Variants in RPN2 observed in about 807,000 individuals in gnomAD.
RPN2 encodes the protein dolichyl-diphosphooligosaccharide--protein glycosyltransferase subunit 2.
In RPN2, 29 loss-of-function variants were observed where a neutral mutation model predicts 71.4. The ratio of observed to expected loss-of-function variants is 0.41; its 90% CI spans 0.30 to 0.55. The LOEUF (loss-of-function observed/expected upper bound fraction) is 0.55. Among genes scored for constraint, RPN2 ranks in the 20% least tolerant of loss-of-function variants. RPN2 has a pLI of 0.35. For missense variants in RPN2, 726 were observed against 774.1 expected, an observed-to-expected ratio of 0.94 and a Z score of 0.74; for synonymous variants, 308 against 305.0, an observed-to-expected ratio of 1.01 and a Z score of -0.10.
chr20:37,199,036 C>G lies in RPN2; in HGVS notation c.304-14C>G. The G allele has an allele frequency of 1.2e-6, 2 of 1,608,798 alleles. No homozygotes were observed. Among genetic ancestry groups the G allele is most frequent in the South Asian group, 1.1e-5 (1 of 90,910 alleles). On this transcript the variant is annotated splice_polypyrimidine_tract_variant and intron_variant, in intron 3 of 16. Transcript: ENST00000237530. Reference sequence around the variant, plus strand: ...ACCTGTTCTAAAACTCTGTGTCTGCCAATTCTTTCTTAGATCTCTATTTCA... The same window carrying G: ...ACCTGTTCTAAAACTCTGTGTCTGCGAATTCTTTCTTAGATCTCTATTTCA...
intron 8 of RPN2, among the ~76,000 whole-genome samples, chr20:37,213,100 C>G (rs1378338312): frequency 6.6e-6 from 1 of 152,150 alleles, no homozygotes; most frequent in Non-Finnish European, 1.5e-5. Flanking sequence ...CACAATTATA[C>G]TATCGTACAC....
chr20:37,229,925 C>A, intron 12 of RPN2, 48 bp from the exon 13 acceptor site: 1 of 1,374,550 alleles, frequency 7.3e-7, no homozygotes, highest in Non-Finnish European at 1.0e-6. Flanking sequence ...TTGAGTTTCA[C>A]CCACTTCTCT....
chr20:37,189,918 G>C (rs1199898163), intron 2 of RPN2, among the ~76,000 whole-genome samples: 1 of 152,232 alleles, frequency 6.6e-6, no homozygotes, highest in Non-Finnish European at 1.5e-5. Context: ...CTTTTGTAGT[G>C]ATGCTTCGTA....
intron 16 of RPN2, among the ~76,000 whole-genome samples, chr20:37,240,977 GT>G (rs527297451): frequency 7.1e-4 from 108 of 152,306 alleles, no homozygotes; most frequent in African/African-American, 2.6e-3. Flanking sequence ...TTTACACTGT[GT>G]TTTTGGCCTT....
chr20:37,204,043 C>A, intron 5 of RPN2, 83 bp downstream of exon 5: 1 of 942,194 alleles, frequency 1.1e-6, no homozygotes, highest in Non-Finnish European at 1.7e-6. Context: ...CATGCATGAT[C>A]TGTTACTACA....
intron 2 of RPN2, among the ~76,000 whole-genome samples, chr20:37,191,204 C>T (rs945881585): frequency 1.3e-5 from 2 of 152,056 alleles, no homozygotes; most frequent in East Asian, 1.9e-4. Context: ...CGGCTGGGTG[C>T]GGTGTCTCAG....
chr20:37,216,155 A>G (rs984800450), intron 9 of RPN2, among the ~76,000 whole-genome samples: 3 of 152,174 alleles, frequency 2.0e-5, no homozygotes, highest in African/African-American at 7.2e-5. Context: ...CCTGGCCAAC[A>G]TGATGAAACC....
At chr20:37,235,395 C>T (rs945806016) in intron 15 of RPN2, among the ~76,000 whole-genome samples, 2 of 152,122 alleles carry the variant, frequency 1.3e-5, no homozygotes, top group African/African-American at 4.8e-5. Flanking sequence ...ATGAGGGTGA[C>T]TGGGGCAGGA....
At chr20:37,212,778 T>C (rs1419489210) in intron 8 of RPN2, among the ~76,000 whole-genome samples, 1 of 152,138 alleles carries the variant, frequency 6.6e-6, no homozygotes, top group African/African-American at 2.4e-5. Flanking sequence ...ACTGGCCTTA[T>C]ATGGAACTTT....
At chr20:37,225,567 A>C (rs1008692020) in intron 10 of RPN2, 121 bp from the exon 11 acceptor site, 17 of 741,220 alleles carry the variant, frequency 2.3e-5, no homozygotes, top group South Asian at 5.9e-5. Flanking sequence ...CTGTCTGTCC[A>C]CAACAGAAGT....
Position 37,211,397 on chromosome 20 carries a change from G to T in RPN2, c.986+1232G>T, listed in dbSNP as rs186082884. ...TCACGCCTGTAATCCCAGCACTTTG[G>T]GGGGGCCAAGGTGGGCGGATCACTT... On this transcript the variant is annotated intron_variant, in intron 8 of 16. Transcript: ENST00000237530. 9.3e-5 allele frequency among the ~76,000 whole-genome samples: 14 copies of T among 150,604 alleles called. 1 individual carries two copies. Among genetic ancestry groups the T allele is most frequent in the African/African-American group, 1.7e-4 (7 of 41,332 alleles).
chr20:37,231,376 C>CA (rs201796625), intron 13 of RPN2, among the ~76,000 whole-genome samples: 2,981 of 148,028 alleles, frequency 0.02, 47 homozygotes, highest in Non-Finnish European at 0.024. Context: ...AAACAAAAAA[C>CA]AAAAAAAAAA....
chr20:37,179,620 G>C (rs1374011620), intron 1 of RPN2: 2 of 931,454 alleles, frequency 2.1e-6, no homozygotes, highest in African/African-American at 3.5e-5. Context: ...CCGAGGCTCA[G>C]CCGTGGGGAC....
chr20:37,187,863 G>C (rs1202343160), intron 2 of RPN2, among the ~76,000 whole-genome samples: 1 of 151,998 alleles, frequency 6.6e-6, no homozygotes, highest in East Asian at 1.9e-4. Context: ...GGCTGGTCTT[G>C]AACTCCTGAC....
rs952779995 is a variant in RPN2, at chr20:37,228,560, G to A, written c.1310G>A (p.Arg437Gln). The part of the protein sequence containing the change: ...AELTPHQTFV[R>Q]LHNQKTGQEV... Reference sequence around the variant, plus strand: ...TATTCTTCCATCTAGACATTTGTCCGACTCCATAACCAGAAGACTGGCCAG... The same window carrying A: ...TATTCTTCCATCTAGACATTTGTCCAACTCCATAACCAGAAGACTGGCCAG... Residue 437 changes from arginine to glutamine, a missense_variant, in exon 12 of 17, where the codon CGA becomes CAA. By Grantham distance (43) the Arg-to-Gln change is conservative. Coordinates refer to ENST00000237530, the MANE Select transcript of RPN2 (RefSeq NM_002951.5). 14 of 1,613,894 alleles carry A rather than the reference G, an allele frequency of 8.7e-6. No individual in the cohort carries two copies. The highest frequency in any genetic ancestry group is 4.5e-5 in the East Asian group (2 of 44,900).
intron 10 of RPN2, 46 bp downstream of exon 10, chr20:37,224,015 G>C (rs886610800): frequency 6.6e-7 from 1 of 1,518,112 alleles, no homozygotes; most frequent in African/African-American, 1.4e-5. Flanking sequence ...AGGCTCAAGA[G>C]CTGAGAGGAG....
intron 4 of RPN2, 105 bp from the exon 5 acceptor site, chr20:37,203,780 T>C: frequency 2.4e-6 from 2 of 826,226 alleles, no homozygotes; most frequent in Non-Finnish European, 4.2e-6. Context: ...CTTGTACTTC[T>C]AAAGAACAAG....
chr20:37,224,208 T>A (rs1244411387), intron 10 of RPN2, among the ~76,000 whole-genome samples: 1 of 152,216 alleles, frequency 6.6e-6, no homozygotes, highest in Non-Finnish European at 1.5e-5. Context: ...TATTAACCAG[T>A]CCTCAACGAG....
intron 6 of RPN2, 132 bp downstream of exon 6, chr20:37,205,033 G>T: frequency 3.1e-6 from 4 of 1,298,678 alleles, no homozygotes; most frequent in Non-Finnish European, 4.3e-6. Flanking sequence ...CTGGGTTAGG[G>T]ATTAAGAATG....
Sources: gnomAD v4.1 joint callset for allele counts (sites outside exome capture counted in the v4.1 genomes callset) on GRCh38, gnomAD v4.1.1 for gene constraint, MANE v1.5 for transcripts, NCBI Gene and HGNC (gene_info 2026-07-23, HGNC 2026-07-21) for gene names.